The following MSH4 variants were observed in gnomAD, a reference collection of about 807,000 sequenced individuals.
MSH4 encodes the protein mutS homolog 4, also known as mutS protein homolog 4.
MSH4 carries 106 observed loss-of-function variants against 113.7 expected under a neutral mutation model. That is an observed-to-expected ratio of 0.93 (90% CI 0.80 to 1.10). The LOEUF (loss-of-function observed/expected upper bound fraction) is 1.10. Ranked by LOEUF, MSH4 falls within the 50% of genes least tolerant of loss-of-function variation. The pLI, the probability that MSH4 is intolerant of heterozygous loss-of-function variation, is 0.00. For synonymous variants in MSH4, 368 were observed against 380.2 expected (o/e 0.97, Z 0.37); for missense variants, 1,061 against 1,093.7 (o/e 0.97, Z 0.42).
intron 19 of MSH4, among the ~76,000 whole-genome samples, chr1:75,912,422 AT>A (rs1175112014): frequency 2.0e-5 from 3 of 152,166 alleles, no homozygotes; most frequent in South Asian, 2.1e-4. Context: ...ATTTAGCATA[AT>A]TTTTTTCATT....
intron 8 of MSH4, among the ~76,000 whole-genome samples, chr1:75,862,929 T>C (rs1223713725): frequency 6.6e-6 from 1 of 152,192 alleles, no homozygotes; most frequent in East Asian, 1.9e-4. Flanking sequence ...AAATTTCTTA[T>C]CTTAACACAA....
At chr1:75,895,861 A>G (rs1051059370) in intron 17 of MSH4, among the ~76,000 whole-genome samples, 1 of 152,098 alleles carries the variant, frequency 6.6e-6, no homozygotes, top group African/African-American at 2.4e-5. Context: ...TCATTTGTAG[A>G]TTAAGTGTGG....
chr1:75,835,960 C>T lies in MSH4; in HGVS notation c.1163-12249C>T, dbSNP rs1345563743. Among the ~76,000 whole-genome samples the T allele has an allele frequency of 2.0e-5, 3 of 152,210 alleles. No individual in the cohort carries two copies. The East Asian group carries it at 5.8e-4, about 29-fold the overall frequency. On this transcript the variant is annotated intron_variant, in intron 7 of 19. Transcript: ENST00000263187. ...CTTTCGGAGTTCACCTTTTGCTGGT[C>T]TGCGTGCCTAGTGGCCCACACCTGG... is the stretch of plus-strand genomic sequence containing the variant.
chr1:75,876,438 C>T (rs983478443), intron 9 of MSH4, among the ~76,000 whole-genome samples: 2 of 152,014 alleles, frequency 1.3e-5, no homozygotes, highest in African/African-American at 4.8e-5. Context: ...GCTAAATATG[C>T]TTTCTCTTCT....
chr1:75,887,725 C>G (rs550423330), intron 15 of MSH4, among the ~76,000 whole-genome samples: 6 of 152,206 alleles, frequency 3.9e-5, no homozygotes, highest in African/African-American at 1.4e-4. Flanking sequence ...CCTAAATTAG[C>G]AAATTGTCCC....
At chr1:75,858,907 G>A (rs1651385485) in intron 8 of MSH4, among the ~76,000 whole-genome samples, 1 of 152,022 alleles carries the variant, frequency 6.6e-6, no homozygotes, top group Non-Finnish European at 1.5e-5. Flanking sequence ...GACTTTTTTG[G>A]TTGCTAGGCT....
chr1:75,906,527 T>TACATATATTATATATAATATATATAC (rs1652653301), intron 19 of MSH4, among the ~76,000 whole-genome samples: 1 of 36,802 alleles, frequency 2.7e-5, no homozygotes, highest in African/African-American at 1.2e-4. Context: ...ATGTATATAT[T>TACATATATTATATATAATATATATAC]ATATATAATA....
Position 75,797,201 on chromosome 1 carries a change from C to T in MSH4, c.216C>T (p.Cys72=). The T allele has an allele frequency of 4.4e-6, 7 of 1,606,676 alleles. No homozygotes were observed. The highest frequency in any genetic ancestry group is 5.9e-6 in the Non-Finnish European group (7 of 1,176,798). ...GCAGCAGCAGCAGCAGCCTTCCCTG[C>T]CCCGCGCCAAACTCCCGGCCAGCTC... ...DRSSSSSSLP[C]PAPNSRPAQG... Residue 72 remains cysteine (C), a synonymous_variant, in exon 1 of 20, where the codon TGC becomes TGT. Transcript: ENST00000263187.
intron 6 of MSH4, 121 bp from the exon 7 acceptor site, chr1:75,822,288 C>A (rs76307354): frequency 6.4e-3 from 2,460 of 385,516 alleles, no homozygotes; most frequent in African/African-American, 0.015. Flanking sequence ...GACTCTGTTT[C>A]AAAAAAAAAA....
At position 75,883,725 on chromosome 1, in the gene MSH4, G is replaced by T. The variant is rs2100574588; in HGVS notation, c.2011G>T (p.Glu671Ter). The T allele has an allele frequency of 6.2e-7, 1 of 1,613,306 alleles. No homozygotes were observed. Among genetic ancestry groups the T allele is most frequent in the Middle Eastern group, 1.7e-4 (1 of 6,052 alleles). ...TATTGCCAACAATACCTATGTTACA[G>T]AAGGGAGTAATTTTTTGATCATAAC... is the stretch of plus-strand genomic sequence containing the variant. ...KPIANNTYVT[E>*]GSNFLIITGP... is the part of the protein sequence containing the mutation. The change falls in exon 15 of 20, where the codon GAA (glutamate) becomes TAA (stop). Residue 671 changes from glutamate to a stop codon, truncating the protein, a stop_gained. Coordinates refer to ENST00000263187, the MANE Select transcript of MSH4 (RefSeq NM_002440.4). LOFTEE classifies it high-confidence loss of function.
At position 75,885,318 on chromosome 1, in the gene MSH4, G is replaced by GGTGTGT. The variant is rs58647865; in HGVS notation, c.2107+1516_2107+1521dup. Among the ~76,000 whole-genome samples the GGTGTGT allele has an allele frequency of 6.7e-3, 701 of 105,276 alleles. 11 individuals are homozygous for GGTGTGT. Among genetic ancestry groups the GGTGTGT allele is most frequent in the African/African-American group, 0.025 (661 of 26,326 alleles). 69.1% of individuals were successfully genotyped at this position (105,276 alleles called of 152,430 possible). The stretch of plus-strand genomic sequence containing the variant: ...GTAGTATATATAGACTCACACTGGG[G>GGTGTGT]GTGTGTGTGTGTGTGTGTGTGTGTA... On this transcript the variant is annotated intron_variant, in intron 15 of 19. Transcript: ENST00000263187.
At chr1:75,810,933 G>A (rs531844426) in intron 4 of MSH4, 126 bp downstream of exon 4, 19 of 437,798 alleles carry the variant, frequency 4.3e-5, no homozygotes, top group Admixed American at 9.1e-5. Flanking sequence ...GTGAAAGGGC[G>A]TGATCTCGGC....
intron 7 of MSH4, among the ~76,000 whole-genome samples, chr1:75,845,010 A>T (rs964232544): frequency 1.3e-5 from 2 of 152,220 alleles, no homozygotes; most frequent in African/African-American, 2.4e-5. Context: ...TCATCCTTTT[A>T]TCCAGAATTT....
In MSH4 at chr1:75,880,003, T is replaced by C. The variant is rs746096294; in HGVS notation, c.1678-47T>C. 3 of 885,752 alleles carry C rather than the reference T, an allele frequency of 3.4e-6. 1 individual carries two copies. In the South Asian group the frequency reaches 4.4e-5, roughly 13 times the overall value. 54.9% of individuals were successfully genotyped at this position (885,752 alleles called of 1,614,324 possible). Reference sequence around the variant, plus strand: ...CTGTTGTTTAAAATCTTACATTTCATAGTAGTGTGCATTTATCTTGACATT... The same window carrying C: ...CTGTTGTTTAAAATCTTACATTTCACAGTAGTGTGCATTTATCTTGACATT... On this transcript the variant is annotated intron_variant, in intron 12 of 19. Transcript: ENST00000263187.
intron 15 of MSH4, among the ~76,000 whole-genome samples, chr1:75,885,589 A>C (rs1198479169): frequency 2.3e-5 from 1 of 43,496 alleles, no homozygotes; most frequent in Non-Finnish European, 4.8e-5. Flanking sequence ...TATTATATGT[A>C]TATGTATTAT....
chr1:75,815,006 A>AAAACTT lies in MSH4; in HGVS notation c.700-14_700-9dup, dbSNP rs778840525. The AAAACTT allele has an allele frequency of 5.3e-6, 8 of 1,505,386 alleles. No individual in the cohort carries two copies. 93.3% of individuals were successfully genotyped at this position (1,505,386 alleles called of 1,614,324 possible). A position where few individuals can be genotyped will look rare whatever the true frequency, so the allele number is the denominator to read the frequency against. ...GCACTTCAAACTTTATTTTGAAATT[A>AAAACTT]AAACTTCTTTTCAGAATGTTAATTT... On this transcript the variant is annotated splice_polypyrimidine_tract_variant and intron_variant, in intron 4 of 19. Coordinates refer to ENST00000263187, the MANE Select transcript of MSH4 (RefSeq NM_002440.4).
intron 2 of MSH4, among the ~76,000 whole-genome samples, chr1:75,805,795 T>C (rs912159039): frequency 2.6e-5 from 4 of 152,196 alleles, no homozygotes; most frequent in African/African-American, 9.7e-5. Context: ...TCTTACTCTA[T>C]CCTCATCATT....
chr1:75,868,110 AG>A (rs1651628533), intron 9 of MSH4, among the ~76,000 whole-genome samples: 1 of 152,138 alleles, frequency 6.6e-6, no homozygotes. Flanking sequence ...CAACTTTTTA[AG>A]TAGAATTTCC....
chr1:75,911,102 G>A (rs1652777571), intron 19 of MSH4, among the ~76,000 whole-genome samples: 1 of 151,302 alleles, frequency 6.6e-6, no homozygotes, highest in African/African-American at 2.4e-5. Flanking sequence ...GAGATACAGG[G>A]TACCATACTA....
Sources: allele counts gnomAD v4.1 joint callset (sites outside exome capture counted in the v4.1 genomes callset), GRCh38; gene constraint gnomAD v4.1.1; transcripts MANE v1.5; gene names NCBI Gene and HGNC (gene_info 2026-07-23, HGNC 2026-07-21).